CMSS1: variants seen among roughly 807,000 people sequenced by gnomAD.
The protein encoded by CMSS1 is protein CMSS1.
Under a neutral mutation model 43.5 loss-of-function variants are expected in CMSS1, and 33 were observed. The ratio of observed to expected loss-of-function variants is 0.76; its 90% CI spans 0.57 to 1.01. CMSS1 has a LOEUF of 1.01. Among genes scored for constraint, CMSS1 ranks in the 50% least tolerant of loss-of-function variants. The pLI is 0.00. For missense variants in CMSS1, 313 were observed against 326.4 expected, an observed-to-expected ratio of 0.96 and a Z score of 0.32; for synonymous variants, 115 against 117.2, an observed-to-expected ratio of 0.98 and a Z score of 0.12.
chr3:100,019,279 C>A (rs891626217), intron 1 of CMSS1, among the ~76,000 whole-genome samples: 1 of 152,120 alleles, frequency 6.6e-6, no homozygotes, highest in African/African-American at 2.4e-5. Context: ...AGGATCTCTT[C>A]AGCCCAGGAG....
At position 99,849,212 on chromosome 3, in the gene CMSS1, C is replaced by G. The variant is rs1035987752; in HGVS notation, c.64+31169C>G. ...TCCTCATATAACTGACCATTGATGACTGCACGTTCCAGAGGAATGAGGCTC... is the reference window on the plus strand; with the variant it reads ...TCCTCATATAACTGACCATTGATGAGTGCACGTTCCAGAGGAATGAGGCTC... On this transcript the variant is annotated intron_variant, in intron 1 of 9. Transcript: ENST00000421999. 1.2e-6 allele frequency: 2 copies of G among 1,614,032 alleles called. No homozygotes were observed. The highest frequency in any genetic ancestry group is 1.7e-6 in the Non-Finnish European group (2 of 1,180,008).
intron 9 of CMSS1, 24 bp from the exon 10 acceptor site, chr3:100,178,281 T>C (rs756675028): frequency 4.6e-6 from 7 of 1,509,494 alleles, no homozygotes; most frequent in Admixed American, 1.7e-5. Flanking sequence ...TTAATCTTTT[T>C]TTCCCCCCTT....
intron 1 of CMSS1, among the ~76,000 whole-genome samples, chr3:99,901,671 A>G (rs1043422179): frequency 9.9e-5 from 15 of 152,228 alleles, no homozygotes; most frequent in African/African-American, 3.4e-4. Flanking sequence ...CTCTTTGCAT[A>G]ATCAAGTTGT....
intron 1 of CMSS1, among the ~76,000 whole-genome samples, chr3:100,003,981 G>A (rs765677971): frequency 7.9e-5 from 12 of 152,036 alleles, no homozygotes; most frequent in Non-Finnish European, 1.5e-4. Context: ...TGAAATGGAC[G>A]GTGTATATTG....
In CMSS1 at chr3:99,945,561, A is replaced by G. The variant is rs1707984694; in HGVS notation, c.64+127518A>G. On this transcript the variant is annotated intron_variant, in intron 1 of 9. Transcript: ENST00000421999. Reference sequence around the variant, plus strand: ...TTAAGGAGGGAAACAAAGAATCATTACTCTCCCTTAAGCATGTTGCTTTGG... The same window carrying G: ...TTAAGGAGGGAAACAAAGAATCATTGCTCTCCCTTAAGCATGTTGCTTTGG... Among the ~76,000 whole-genome samples, 4 of 151,944 alleles carry G rather than the reference A, an allele frequency of 2.6e-5. No homozygotes were observed. The South Asian group carries it at 8.3e-4, about 32-fold the overall frequency.
At chr3:99,985,021 C>T (rs1012004376) in intron 1 of CMSS1, among the ~76,000 whole-genome samples, 3 of 151,976 alleles carry the variant, frequency 2.0e-5, no homozygotes, top group Non-Finnish European at 1.5e-5. Context: ...AAGGGGTTGC[C>T]GTGAGGAAGG....
intron 2 of CMSS1, among the ~76,000 whole-genome samples, chr3:100,152,799 C>T (rs556295824): frequency 6.6e-6 from 1 of 152,334 alleles, no homozygotes; most frequent in South Asian, 2.1e-4. Flanking sequence ...CTTTCTACCA[C>T]TGCATAACAA....
At chr3:100,134,810 T>C (rs2066737570) in intron 1 of CMSS1, among the ~76,000 whole-genome samples, 1 of 152,182 alleles carries the variant, frequency 6.6e-6, no homozygotes, top group Non-Finnish European at 1.5e-5. Context: ...GCTCTACCCA[T>C]AAAGCCCAAT....
At chr3:99,849,116 G>A in intron 1 of CMSS1, 1 of 1,614,142 alleles carries the variant, frequency 6.2e-7, no homozygotes, top group Non-Finnish European at 8.5e-7. Flanking sequence ...ACAGGACATG[G>A]AGTAGACTGG....
chr3:99,981,377 T>G (rs1301473810), intron 1 of CMSS1, among the ~76,000 whole-genome samples: 2 of 152,218 alleles, frequency 1.3e-5, no homozygotes, highest in African/African-American at 4.8e-5. Flanking sequence ...ATCTGGCTTC[T>G]GTGGGATCCA....
chr3:100,030,842 A>G (rs373417524), intron 1 of CMSS1, among the ~76,000 whole-genome samples: 8 of 152,350 alleles, frequency 5.3e-5, no homozygotes, highest in African/African-American at 1.9e-4. Context: ...CTAATAAGGT[A>G]TAAGTGGTTT....
chr3:99,818,109 G>C (rs528891686), intron 1 of CMSS1, 66 bp downstream of exon 1: 2 of 1,491,202 alleles, frequency 1.3e-6, no homozygotes, highest in Admixed American at 1.8e-5. Context: ...CCTCAGCCCT[G>C]GTCGCTTCTG....
At chr3:99,850,603 A>G in intron 1 of CMSS1, 4 of 1,613,072 alleles carry the variant, frequency 2.5e-6, no homozygotes, top group Non-Finnish European at 3.4e-6. Flanking sequence ...TCCCTTACTG[A>G]TTTTTTCTTT....
chr3:99,925,664 C>G (rs1401353485), intron 1 of CMSS1, among the ~76,000 whole-genome samples: 1 of 152,192 alleles, frequency 6.6e-6, no homozygotes, highest in Non-Finnish European at 1.5e-5. Flanking sequence ...GGATGCTAAG[C>G]CACAGCAGCA....
chr3:100,157,593 C>T (rs2066986826), intron 2 of CMSS1, among the ~76,000 whole-genome samples: 1 of 152,170 alleles, frequency 6.6e-6, no homozygotes, highest in Non-Finnish European at 1.5e-5. Flanking sequence ...TAGGCCATTC[C>T]ATTTTTCCAA....
chr3:99,836,412 T>C (rs1416294534), intron 1 of CMSS1, among the ~76,000 whole-genome samples: 1 of 152,126 alleles, frequency 6.6e-6, no homozygotes, highest in Non-Finnish European at 1.5e-5. Context: ...AAGTTTGAAG[T>C]GTATAGTTGG....
chr3:99,915,343 G>A (rs1482933255), intron 1 of CMSS1, among the ~76,000 whole-genome samples: 1 of 152,088 alleles, frequency 6.6e-6, no homozygotes, highest in East Asian at 1.9e-4. Context: ...CTGTGGAAGG[G>A]GCTGTGTAAC....
At chr3:100,137,300 A>T (rs1188701427) in intron 1 of CMSS1, among the ~76,000 whole-genome samples, 1 of 152,214 alleles carries the variant, frequency 6.6e-6, no homozygotes, top group East Asian at 1.9e-4. Context: ...AGAAATATAG[A>T]ACTTCCCCCA....
intron 1 of CMSS1, among the ~76,000 whole-genome samples, chr3:100,094,998 T>G (rs2066179803): frequency 6.6e-6 from 1 of 152,146 alleles, no homozygotes; most frequent in African/African-American, 2.4e-5. Context: ...AAAAGCTGTC[T>G]TTTGTTGGCT....
Sources: allele counts gnomAD v4.1 joint callset (sites outside exome capture counted in the v4.1 genomes callset), GRCh38; gene constraint gnomAD v4.1.1; transcripts MANE v1.5; gene names NCBI Gene and HGNC (gene_info 2026-07-23, HGNC 2026-07-21).